Variants in BMAL1 observed in about 807,000 individuals in gnomAD.
BMAL1 encodes the protein basic helix-loop-helix ARNT-like protein 1.
At chr11:13,360,377 A>C in the BMAL1 span, 1 of 1,614,018 alleles carries the variant, frequency 6.2e-7, no homozygotes, top group Non-Finnish European at 8.5e-7. Context: ...AGCAAACTAC[A>C]AACCAACTTT....
the BMAL1 span, among the ~76,000 whole-genome samples, chr11:13,320,704 A>G: frequency 1.3e-5 from 2 of 152,186 alleles, no homozygotes; most frequent in African/African-American, 4.8e-5. Context: ...GGATGCTCCA[A>G]GTTGGTGGCT....
At chr11:13,365,578 C>T in the BMAL1 span, 1 of 1,613,448 alleles carries the variant, frequency 6.2e-7, no homozygotes, top group Non-Finnish European at 8.5e-7. Flanking sequence ...CTTCAAGATC[C>T]TCAACTACAG....
At chr11:13,379,092 A>G in the BMAL1 span, 1 of 152,246 alleles carries the variant, frequency 6.6e-6, no homozygotes, top group Non-Finnish European at 1.5e-5. Flanking sequence ...TGTTGATTTA[A>G]ACCATAAAAA....
the BMAL1 span, among the ~76,000 whole-genome samples, chr11:13,368,930 TCA>T: frequency 2.0e-5 from 3 of 152,222 alleles, no homozygotes; most frequent in African/African-American, 7.2e-5. Flanking sequence ...ATAAGTTCGT[TCA>T]CATTCTTTTA....
At chr11:13,287,356 G>A in the BMAL1 span, among the ~76,000 whole-genome samples, 1 of 152,106 alleles carries the variant, frequency 6.6e-6, no homozygotes, top group African/African-American at 2.4e-5. Context: ...AAGGCATAGC[G>A]AGGAGTTGGT....
the BMAL1 span, among the ~76,000 whole-genome samples, chr11:13,312,499 C>T: frequency 6.6e-6 from 1 of 152,094 alleles, no homozygotes; most frequent in Non-Finnish European, 1.5e-5. Context: ...GAGACTAAGG[C>T]CAAACCTCAA....
At chr11:13,339,467 C>G in the BMAL1 span, among the ~76,000 whole-genome samples, 3 of 94,738 alleles carry the variant, frequency 3.2e-5, no homozygotes, top group African/African-American at 1.4e-4. Context: ...ATGGTATCTT[C>G]TCACCACTGC....
the BMAL1 span, chr11:13,360,467 A>G: frequency 6.4e-7 from 1 of 1,573,316 alleles, no homozygotes; most frequent in Admixed American, 1.7e-5. Context: ...TTGTTTTTAT[A>G]AATTTTCAAG....
the BMAL1 span, among the ~76,000 whole-genome samples, chr11:13,317,672 C>T: frequency 2.6e-5 from 4 of 152,174 alleles, no homozygotes; most frequent in Non-Finnish European, 5.9e-5. Context: ...TAAACAATTT[C>T]CTTAGAATTT....
the BMAL1 span, chr11:13,381,267 AT>A: frequency 6.2e-7 from 1 of 1,612,886 alleles, no homozygotes; most frequent in Non-Finnish European, 8.5e-7. Flanking sequence ...AAGACTGATG[AT>A]TCTTAGCCTA....
the BMAL1 span, among the ~76,000 whole-genome samples, chr11:13,340,201 A>G: frequency 1.1e-4 from 17 of 152,154 alleles, no homozygotes; most frequent in Non-Finnish European, 2.5e-4. Flanking sequence ...CTTGCCAGTC[A>G]ACCAAACCCT....
chr11:13,381,123 G>GA, the BMAL1 span: 7 of 1,602,410 alleles, frequency 4.4e-6, no homozygotes, highest in South Asian at 2.2e-5. Context: ...ACACTCCACT[G>GA]AAAAAAGAAA....
chr11:13,348,415 A>C, the BMAL1 span, among the ~76,000 whole-genome samples: 1 of 152,150 alleles, frequency 6.6e-6, no homozygotes, highest in African/African-American at 2.4e-5. Flanking sequence ...CTCTGACCAC[A>C]GTGGAGAGGG....
the BMAL1 span, chr11:13,354,200 G>GCCCCCCCCCCCCAACCCCCCAA: frequency 2.7e-6 from 1 of 364,714 alleles, no homozygotes; most frequent in Non-Finnish European, 5.3e-6. Flanking sequence ...TCCCCCCCCG[G>GCCCCCCCCCCCCAACCCCCCAA]CCCCCCACCA....
the BMAL1 span, among the ~76,000 whole-genome samples, chr11:13,308,983 T>A: frequency 2.0e-5 from 3 of 152,086 alleles, no homozygotes; most frequent in East Asian, 5.8e-4. Context: ...ATGAAAAGAG[T>A]TCTGGAGATG....
At chr11:13,376,748 G>GC in the BMAL1 span, 1 of 1,609,558 alleles carries the variant, frequency 6.2e-7, no homozygotes, top group East Asian at 2.2e-5. Flanking sequence ...TGCTGCTGGG[G>GC]CCCTGGGGCT....
At chr11:13,331,740 G>T in the BMAL1 span, among the ~76,000 whole-genome samples, 1 of 152,216 alleles carries the variant, frequency 6.6e-6, no homozygotes, top group South Asian at 2.1e-4. Flanking sequence ...AGCCTGTGTG[G>T]TGAACCTCTA....
the BMAL1 span, among the ~76,000 whole-genome samples, chr11:13,349,461 A>G: frequency 6.6e-6 from 1 of 152,230 alleles, no homozygotes; most frequent in Non-Finnish European, 1.5e-5. Context: ...TCTGTGCCTC[A>G]GTCTCTTCTG....
At chr11:13,316,520 C>A in the BMAL1 span, among the ~76,000 whole-genome samples, 493 of 152,248 alleles carry the variant, frequency 3.2e-3, 2 homozygotes, top group African/African-American at 0.011. Flanking sequence ...CACTTTGGTA[C>A]CTTGGTGACT....
Sources: allele counts gnomAD v4.1 joint callset (sites outside exome capture counted in the v4.1 genomes callset), GRCh38; gene constraint gnomAD v4.1.1; transcripts MANE v1.5; gene names NCBI Gene and HGNC (gene_info 2026-07-23, HGNC 2026-07-21).